The following SRP14 variants were observed in gnomAD, a reference collection of about 807,000 sequenced individuals.
The protein encoded by SRP14 is signal recognition particle 14 kDa protein.
In SRP14, 1 loss-of-function variant was observed where a neutral mutation model predicts 16.0. The observed-to-expected ratio is 0.06, with a 90% CI of 0.02 to 0.30. The LOEUF (loss-of-function observed/expected upper bound fraction) is 0.30. SRP14 is among the 10% of genes least tolerant of loss of function. The pLI is 1.00. For synonymous variants in SRP14, 67 were observed against 60.1 expected (o/e 1.12, Z -0.53); for missense variants, 120 against 163.1 (o/e 0.74, Z 1.44).
At chr15:40,038,702 T>C (rs1401422411) in intron 2 of SRP14, 174 bp downstream of exon 2, 2 of 698,760 alleles carry the variant, frequency 2.9e-6, no homozygotes, top group Non-Finnish European at 4.8e-6. Flanking sequence ...GGCTCAGTGC[T>C]GGGGACTGAG....
intron 3 of SRP14, among the ~76,000 whole-genome samples, chr15:40,037,751 T>G (rs2035652798): frequency 6.6e-6 from 1 of 152,226 alleles, no homozygotes; most frequent in South Asian, 2.1e-4. Context: ...GTCAGTATCC[T>G]ACACTAATGT....
chr15:40,039,156 A>C lies in SRP14; in HGVS notation c.-40T>G. ...CTCGACTCCCTCCGCTTAAGCCCCT[A>C]GCAGTGAGAGCCGGAAGTTCGGCCT... On this transcript the variant is annotated 5_prime_UTR_variant, in exon 1 of 5. Transcript: ENST00000267884. The C allele has an allele frequency of 2.5e-6, 4 of 1,598,360 alleles. No individual in the cohort carries two copies. The highest frequency in any genetic ancestry group is 3.4e-5 in the Admixed American group (2 of 58,532).
intron 4 of SRP14, 85 bp downstream of exon 4, chr15:40,036,901 A>C: frequency 3.4e-6 from 5 of 1,479,764 alleles, no homozygotes; most frequent in Non-Finnish European, 3.8e-6. Context: ...AGAGCAGTGA[A>C]CCCAAGTATC....
Position 40,039,153 on chromosome 15 carries a change from C to A in SRP14, c.-37G>T, listed in dbSNP as rs1027955897. On this transcript the variant is annotated 5_prime_UTR_variant, in exon 1 of 5. Transcript: ENST00000267884. ...TGGCTCGACTCCCTCCGCTTAAGCC[C>A]CTAGCAGTGAGAGCCGGAAGTTCGG... 6.2e-7 allele frequency: 1 copy of A among 1,601,374 alleles called. No homozygotes were observed. Among genetic ancestry groups the A allele is most frequent in the East Asian group, 2.3e-5 (1 of 44,422 alleles).
intron 2 of SRP14, 83 bp from the exon 3 acceptor site, chr15:40,038,477 T>A (rs2035666289): frequency 1.0e-6 from 1 of 960,842 alleles, no homozygotes; most frequent in Non-Finnish European, 1.7e-6. Flanking sequence ...AGGAGTGGGG[T>A]AAGTGATGAC....
intron 3 of SRP14, chr15:40,037,279 G>GGAAAAAAGAAAAAA (rs1555424355): frequency 1.8e-6 from 1 of 566,920 alleles, no homozygotes; most frequent in South Asian, 3.5e-5. Context: ...TCCTTTTGGG[G>GGAAAAAAGAAAAAA]AAAAAAAAAA....
At chr15:40,036,808 A>C in intron 4 of SRP14, 178 bp downstream of exon 4, 1 of 723,362 alleles carries the variant, frequency 1.4e-6, no homozygotes, top group South Asian at 1.7e-5. Flanking sequence ...ACTTAAAAAA[A>C]CTAGAAAGGA....
In SRP14 at chr15:40,036,104, C is replaced by G; in HGVS notation, c.*229G>C. 1.6e-6 allele frequency: 1 copy of G among 640,246 alleles called. No homozygotes were observed. Among genetic ancestry groups the G allele is most frequent in the South Asian group, 2.5e-5 (1 of 39,650 alleles). 39.7% of individuals were successfully genotyped at this position (640,246 alleles called of 1,614,324 possible). ...AGAGATGTCTACAGAGACTTTTAAT[C>G]TATAATCCAGGAGTATATAACCATG... On this transcript the variant is annotated 3_prime_UTR_variant, in exon 5 of 5. Transcript: ENST00000267884.
At position 40,036,893 on chromosome 15, in the gene SRP14, A is replaced by G. The variant is rs2035632493; in HGVS notation, c.243+93T>C. 4 of 1,392,914 alleles carry G rather than the reference A, an allele frequency of 2.9e-6. No homozygotes were observed. The East Asian group carries it at 6.8e-5, about 24-fold the overall frequency. 86.3% of individuals were successfully genotyped at this position (1,392,914 alleles called of 1,614,324 possible). ...ATACTGGTAAAACTTATCTCCGGAG[A>G]GCAGTGAACCCAAGTATCAATCTTA... On this transcript the variant is annotated intron_variant, in intron 4 of 4. Coordinates refer to ENST00000267884, the MANE Select transcript of SRP14 (RefSeq NM_003134.6).
rs375479354 is a variant in SRP14 at position 40,039,042 on chromosome 15, G to C, written c.24+51C>G. 5.7e-5 allele frequency: 92 copies of C among 1,606,714 alleles called. 1 individual carries two copies. Among genetic ancestry groups the C allele is most frequent in the Non-Finnish European group, 6.8e-5 (80 of 1,177,064 alleles). The stretch of plus-strand genomic sequence containing the variant: ...TCCTCCTGCAGGAGGCACAGGTCTC[G>C]AGTAACGCCTGAGCCGCCCCCTTCC... On this transcript the variant is annotated intron_variant, in intron 1 of 4. Transcript: ENST00000267884.
chr15:40,036,317 A>G lies in SRP14; in HGVS notation c.*16T>C. The G allele has an allele frequency of 6.2e-7, 1 of 1,611,880 alleles. No individual in the cohort carries two copies. Among genetic ancestry groups the G allele is most frequent in the African/African-American group, 1.3e-5 (1 of 75,014 alleles). ...AATTCAGTGGTTAATTGGTGAAAGC[A>G]GGAAATGTATGCCCTTTACTGTGCT... On this transcript the variant is annotated 3_prime_UTR_variant, in exon 5 of 5. Transcript: ENST00000267884.
intron 3 of SRP14, chr15:40,037,279 G>GGGAAAAAAAAA: frequency 5.4e-6 from 4 of 740,778 alleles, no homozygotes; most frequent in East Asian, 9.3e-5. Context: ...TCCTTTTGGG[G>GGGAAAAAAAAA]AAAAAAAAAA....
rs921871229 is a variant in SRP14 at position 40,035,989 on chromosome 15, G to A, written c.*344C>T. Reference sequence around the variant, plus strand: ...TAATCACATCATTCTAGATTTAGTAGTTATTGCCAGAACTATTAAAATGGG... The same window carrying A: ...TAATCACATCATTCTAGATTTAGTAATTATTGCCAGAACTATTAAAATGGG... On this transcript the variant is annotated 3_prime_UTR_variant, in exon 5 of 5. Coordinates refer to ENST00000267884, the MANE Select transcript of SRP14 (RefSeq NM_003134.6). 1 of 267,516 alleles carries A rather than the reference G, an allele frequency of 3.7e-6. No homozygotes were observed. The highest frequency in any genetic ancestry group is 2.2e-5 in the African/African-American group (1 of 45,540). The allele number at this position is 267,516 out of a possible 1,614,324, so 16.6% of individuals were successfully genotyped here. A position where few individuals can be genotyped will look rare whatever the true frequency, so the allele number is the denominator to read the frequency against.
Position 40,036,229 on chromosome 15 carries a change from T to C in SRP14, c.*104A>G, listed in dbSNP as rs965661536. ...TCTTTCCAAAAGGACCCTAATCTTA[T>C]GTGAAAACACCTACTGTGGGGGAAC... On this transcript the variant is annotated 3_prime_UTR_variant, in exon 5 of 5. Coordinates refer to ENST00000267884, the MANE Select transcript of SRP14 (RefSeq NM_003134.6). The C allele has an allele frequency of 1.9e-5, 30 of 1,547,490 alleles. No individual in the cohort carries two copies. The African/African-American group carries it at 2.1e-4, about 11-fold the overall frequency.
At chr15:40,037,846 T>C (rs17666578) in intron 3 of SRP14, among the ~76,000 whole-genome samples, 5,228 of 152,290 alleles carry the variant, frequency 0.034, 125 homozygotes, top group Middle Eastern at 0.075. Flanking sequence ...ACTGAAAGAC[T>C]AGGGCTCTTG....
chr15:40,036,686 CCA>C (rs1352644311), intron 4 of SRP14, 186 bp from the exon 5 acceptor site: 1 of 706,912 alleles, frequency 1.4e-6, no homozygotes, highest in Non-Finnish European at 2.4e-6. Flanking sequence ...TCTGCAACAC[CCA>C]CAGACAGTTG....
chr15:40,038,759 C>T, intron 2 of SRP14, 117 bp downstream of exon 2: 3 of 1,121,682 alleles, frequency 2.7e-6, no homozygotes, highest in Middle Eastern at 2.8e-4. Context: ...CCCGAATGTG[C>T]TCAGTACAGG....
Position 40,038,964 on chromosome 15 carries a change from C to T in SRP14, c.25-16G>A, listed in dbSNP as rs2035676042. 6.2e-7 allele frequency: 1 copy of T among 1,610,032 alleles called. No homozygotes were observed. Among genetic ancestry groups the T allele is most frequent in the African/African-American group, 1.3e-5 (1 of 74,764 alleles). On this transcript the variant is annotated splice_polypyrimidine_tract_variant and intron_variant, in intron 1 of 4. Coordinates refer to ENST00000267884, the MANE Select transcript of SRP14 (RefSeq NM_003134.6). ...CCGTCAGGAACTGGAAAACAACAGG[C>T]CCAGCCCCGTTAGCCAGCCCCAAAT...
chr15:40,038,792 G>GGC, intron 2 of SRP14, 84 bp downstream of exon 2: 1 of 1,446,836 alleles, frequency 6.9e-7, no homozygotes, highest in Non-Finnish European at 9.6e-7. Context: ...AGAGGAAGGC[G>GGC]GCGGTCCGCG....
Sources: gnomAD v4.1 joint callset for allele counts (sites outside exome capture counted in the v4.1 genomes callset) on GRCh38, gnomAD v4.1.1 for gene constraint, MANE v1.5 for transcripts, NCBI Gene and HGNC (gene_info 2026-07-23, HGNC 2026-07-21) for gene names.